HERPUD2: variants seen among roughly 807,000 people sequenced by gnomAD.
HERPUD2 encodes the protein HERPUD family member 2.
In HERPUD2, 13 loss-of-function variants were observed where a neutral mutation model predicts 49.9. The observed-to-expected ratio is 0.26, with a 90% confidence interval of 0.17 to 0.41. The LOEUF (loss-of-function observed/expected upper bound fraction) is 0.41. Ranked by LOEUF, HERPUD2 falls within the 10% of genes least tolerant of loss-of-function variation. The probability of loss-of-function intolerance (pLI) is 1.00; values close to 1 mark genes in which losing one functional copy is unlikely to be tolerated. For missense variants in HERPUD2, 449 were observed against 492.2 expected (o/e 0.91, Z 0.83); for synonymous variants, 172 against 171.4 (o/e 1.00, Z -0.03).
chr7:35,653,064 G>A (rs1362933077), intron 5 of HERPUD2, among the ~76,000 whole-genome samples: 2 of 152,044 alleles, frequency 1.3e-5, no homozygotes, highest in Non-Finnish European at 2.9e-5. Flanking sequence ...AAAATGACAG[G>A]AATAAGCCCT....
chr7:35,642,383 T>C (rs142542239), intron 5 of HERPUD2, among the ~76,000 whole-genome samples: 12,396 of 152,174 alleles, frequency 0.081, 712 homozygotes, highest in South Asian at 0.21. Flanking sequence ...AGTTCAACCA[T>C]TGTGGAAAGC....
At chr7:35,662,116 C>A (rs55937421) in intron 5 of HERPUD2, among the ~76,000 whole-genome samples, 2,096 of 152,302 alleles carry the variant, frequency 0.014, 27 homozygotes, top group Non-Finnish European at 0.022. Context: ...GCCTTTTCTG[C>A]ATCTATTGAG....
intron 5 of HERPUD2, among the ~76,000 whole-genome samples, chr7:35,660,119 C>T (rs139070121): frequency 4.2e-4 from 64 of 152,314 alleles, no homozygotes; most frequent in African/African-American, 1.3e-3. Context: ...TGAGTGAGAA[C>T]ATACGGTGTT....
At chr7:35,658,822 A>G (rs1473511722) in intron 5 of HERPUD2, among the ~76,000 whole-genome samples, 1 of 152,234 alleles carries the variant, frequency 6.6e-6, no homozygotes, top group African/African-American at 2.4e-5. Flanking sequence ...ATGAACAGCC[A>G]GTGTTGTAGG....
intron 5 of HERPUD2, among the ~76,000 whole-genome samples, chr7:35,639,787 C>T (rs1353026061): frequency 6.6e-6 from 1 of 152,134 alleles, no homozygotes; most frequent in Non-Finnish European, 1.5e-5. Flanking sequence ...GGAGCTAAGC[C>T]TTATCAACAG....
rs1016500496 is a variant in HERPUD2 at position 35,694,642 on chromosome 7, G to C, written c.-297-15C>G. 1.4e-4 allele frequency: 51 copies of C among 359,812 alleles called. No homozygotes were observed. The highest frequency in any genetic ancestry group is 1.0e-3 in the African/African-American group (51 of 49,026). 22.3% of individuals were successfully genotyped at this position (359,812 alleles called of 1,614,324 possible). A position where few individuals can be genotyped will look rare whatever the true frequency, so the allele number is the denominator to read the frequency against. On this transcript the variant is annotated splice_polypyrimidine_tract_variant and intron_variant, in intron 1 of 8. Transcript: ENST00000311350. ...GAGAAAGGAAGCTATACGAAGGAAG[G>C]GTGGGAGGGATGAGGGCACAACGGC... is the stretch of plus-strand genomic sequence containing the variant.
chr7:35,685,273 A>C (rs1786012148), intron 2 of HERPUD2, among the ~76,000 whole-genome samples: 1 of 151,146 alleles, frequency 6.6e-6, no homozygotes, highest in Admixed American at 6.6e-5. Flanking sequence ...AAACATTATT[A>C]ATTTTTTCAT....
intron 2 of HERPUD2, among the ~76,000 whole-genome samples, chr7:35,692,236 C>T (rs760079936): frequency 6.6e-6 from 1 of 152,188 alleles, no homozygotes. Flanking sequence ...GCTGCACAGG[C>T]AGACCTCCTG....
intron 5 of HERPUD2, among the ~76,000 whole-genome samples, chr7:35,665,972 A>G (rs1785529539): frequency 6.6e-6 from 1 of 152,212 alleles, no homozygotes; most frequent in South Asian, 2.1e-4. Context: ...GATAACCACT[A>G]TTAATGTGGC....
At position 35,633,329 on chromosome 7, in the gene HERPUD2, A is replaced by C. The variant is rs1180003935; in HGVS notation, c.*361T>G. On this transcript the variant is annotated 3_prime_UTR_variant, in exon 9 of 9. Transcript: ENST00000311350. ...AGTAACCCACCCGCCTCGGCCTCCC[A>C]AAGTGCTGGGATTACAGACGTGAGC... The C allele has an allele frequency of 6.5e-6, 1 of 153,840 alleles. No homozygotes were observed. The highest frequency in any genetic ancestry group is 1.4e-5 in the Non-Finnish European group (1 of 68,992). 9.5% of individuals were successfully genotyped at this position (153,840 alleles called of 1,614,324 possible).
intron 5 of HERPUD2, among the ~76,000 whole-genome samples, chr7:35,648,802 A>T (rs754158101): frequency 1.3e-5 from 2 of 152,240 alleles, no homozygotes; most frequent in Non-Finnish European, 2.9e-5. Context: ...TGCACCAGTG[A>T]CTAAAAGATC....
intron 5 of HERPUD2, among the ~76,000 whole-genome samples, chr7:35,649,388 G>A (rs1785117858): frequency 1.3e-5 from 2 of 152,154 alleles, no homozygotes; most frequent in Admixed American, 1.3e-4. Flanking sequence ...TGTTTAGAAG[G>A]ATAGTTACTA....
At chr7:35,668,071 TAGAAATCC>T (rs1785574255) in intron 4 of HERPUD2, among the ~76,000 whole-genome samples, 2 of 56,714 alleles carry the variant, frequency 3.5e-5, no homozygotes, top group Non-Finnish European at 8.8e-5. Context: ...AGAAACAGGC[TAGAAATCC>T]TAGAAATCAA....
At chr7:35,637,138 A>AAAAGAAAG (rs376749984) in intron 6 of HERPUD2, among the ~76,000 whole-genome samples, 13,828 of 135,126 alleles carry the variant, frequency 0.1, 876 homozygotes, top group Non-Finnish European at 0.13. Context: ...GTCTCAAAAA[A>AAAAGAAAG]AAAGAAAGAA....
chr7:35,641,632 C>T (rs1462134014), intron 5 of HERPUD2, among the ~76,000 whole-genome samples: 1 of 152,104 alleles, frequency 6.6e-6, no homozygotes, highest in Admixed American at 6.5e-5. Context: ...ACACACAGAC[C>T]AATGGAACAA....
At chr7:35,638,532 A>C (rs1784911391) in intron 5 of HERPUD2, 60 bp from the exon 6 acceptor site, 18 of 1,518,196 alleles carry the variant, frequency 1.2e-5, no homozygotes, top group Non-Finnish European at 1.6e-5. Flanking sequence ...ATTATTCTAA[A>C]TTTTCATTTC....
chr7:35,659,897 TTTTAC>T (rs1184756867), intron 5 of HERPUD2, among the ~76,000 whole-genome samples: 2 of 151,974 alleles, frequency 1.3e-5, no homozygotes, highest in African/African-American at 2.4e-5. Flanking sequence ...TTTTATTTTA[TTTTAC>T]TTTAAGTTCT....
intron 2 of HERPUD2, among the ~76,000 whole-genome samples, chr7:35,682,672 C>T (rs991312188): frequency 6.6e-6 from 1 of 151,716 alleles, no homozygotes; most frequent in Non-Finnish European, 1.5e-5. Context: ...AATCCAAAGA[C>T]TCCTCCAGAA....
chr7:35,688,048 G>T (rs1241853343), intron 2 of HERPUD2, among the ~76,000 whole-genome samples: 2 of 152,022 alleles, frequency 1.3e-5, no homozygotes, highest in Admixed American at 1.3e-4. Flanking sequence ...CAACTTACAG[G>T]TTAGTTCAAT....
Sources: allele counts gnomAD v4.1 joint callset (sites outside exome capture counted in the v4.1 genomes callset), GRCh38; gene constraint gnomAD v4.1.1; transcripts MANE v1.5; gene names NCBI Gene and HGNC (gene_info 2026-07-23, HGNC 2026-07-21).